Variants in FRAS1 observed in about 807,000 individuals in gnomAD.
FRAS1 encodes Fraser extracellular matrix complex subunit 1.
FRAS1 carries 290 observed loss-of-function variants against 435.2 expected under a neutral mutation model. The observed-to-expected ratio is 0.67, with a 90% CI of 0.61 to 0.73. The LOEUF (loss-of-function observed/expected upper bound fraction) is 0.73, where lower values mean the gene tolerates loss of function less well. Among genes scored for constraint, FRAS1 ranks in the 30% least tolerant of loss-of-function variants. FRAS1 has a pLI of 0.00. For missense variants in FRAS1, 4,860 were observed against 5,001.5 expected, an observed-to-expected ratio of 0.97 and a Z score of 0.85; for synonymous variants, 1,800 against 1,851.0, an observed-to-expected ratio of 0.97 and a Z score of 0.71.
At chr4:78,088,348 C>A (rs187427201) in intron 2 of FRAS1, among the ~76,000 whole-genome samples, 2 of 152,206 alleles carry the variant, frequency 1.3e-5, no homozygotes, top group Admixed American at 1.3e-4. Flanking sequence ...TAGGCAATAC[C>A]ATTCAGGACA....
intron 47 of FRAS1, among the ~76,000 whole-genome samples, chr4:78,453,655 C>G (rs1286007067): frequency 1.3e-5 from 2 of 151,932 alleles, no homozygotes; most frequent in Non-Finnish European, 2.9e-5. Context: ...TTTTTAAAGG[C>G]CAGATGTGGT....
chr4:78,286,635 A>C, intron 14 of FRAS1, 96 bp downstream of exon 14: 1 of 1,279,134 alleles, frequency 7.8e-7, no homozygotes. Context: ...AGCTGGAAGC[A>C]CTTTTTCAAA....
chr4:78,470,270 C>T (rs6533688), intron 51 of FRAS1, among the ~76,000 whole-genome samples, 179 bp downstream of exon 51: 94,743 of 151,940 alleles, frequency 0.62, 30,134 homozygotes, highest in South Asian at 0.83. Flanking sequence ...TGTGTAGGAT[C>T]GGTTACGATT....
Position 78,286,381 on chromosome 4 carries a change from TTCTTCAACATTATCTGGAGTCAG to T in FRAS1, c.1400-23_1400-1del. On this transcript the variant is annotated splice_acceptor_variant and splice_polypyrimidine_tract_variant and intron_variant, in intron 13 of 73. Transcript: ENST00000512123. LOFTEE classifies it high-confidence loss of function. The stretch of plus-strand genomic sequence containing the variant: ...AGCTAATCAAATGGTTCCTTTCTCT[TTCTTCAACATTATCTGGAGTCAG>T]CCTGCCAGCCCCAGTGCTCCACGTG... The T allele has an allele frequency of 6.2e-7, 1 of 1,612,732 alleles. No individual in the cohort carries two copies. Among genetic ancestry groups the T allele is most frequent in the Non-Finnish European group, 8.5e-7 (1 of 1,179,860 alleles).
intron 3 of FRAS1, among the ~76,000 whole-genome samples, chr4:78,239,386 G>T (rs747823581): frequency 6.6e-6 from 1 of 152,064 alleles, no homozygotes; most frequent in East Asian, 1.9e-4. Context: ...TTTGCTGTCA[G>T]TCTGGTTCCA....
chr4:78,423,795 C>A (rs946720419), intron 34 of FRAS1, among the ~76,000 whole-genome samples: 3 of 152,090 alleles, frequency 2.0e-5, no homozygotes, highest in Non-Finnish European at 2.9e-5. Flanking sequence ...GGGTCTGTAA[C>A]CCCTATGTTA....
chr4:78,396,814 T>G (rs1732692528), intron 29 of FRAS1, among the ~76,000 whole-genome samples: 1 of 152,214 alleles, frequency 6.6e-6, no homozygotes, highest in South Asian at 2.1e-4. Context: ...AAGTGTTCTA[T>G]TGAATTTTTC....
intron 50 of FRAS1, 75 bp downstream of exon 50, chr4:78,466,510 C>T: frequency 5.5e-6 from 6 of 1,092,264 alleles, no homozygotes; most frequent in Non-Finnish European, 8.0e-6. Context: ...TTACATCAAG[C>T]ATACCATTGT....
At chr4:78,424,776 T>TAA (rs111683592) in intron 35 of FRAS1, among the ~76,000 whole-genome samples, 1 of 140,236 alleles carries the variant, frequency 7.1e-6, no homozygotes, top group Non-Finnish European at 1.6e-5. Context: ...ACCTTGTCTA[T>TAA]AAAAAAAAAA....
In FRAS1 at chr4:78,501,582, A is replaced by G. The variant is rs553727947; in HGVS notation, c.9316+1661A>G. On this transcript the variant is annotated intron_variant, in intron 61 of 73. Transcript: ENST00000512123. ...GGTTGAACTTTTTACACTCCCACCA[A>G]CAGCATAAAAGCGGTCCTATTTCTC... 1.1e-4 allele frequency among the ~76,000 whole-genome samples: 17 copies of G among 152,304 alleles called. No homozygotes were observed. The East Asian group carries it at 3.3e-3, about 29-fold the overall frequency.
chr4:78,196,114 T>A (rs1722801017), intron 2 of FRAS1, among the ~76,000 whole-genome samples: 1 of 152,076 alleles, frequency 6.6e-6, no homozygotes, highest in Non-Finnish European at 1.5e-5. Context: ...TTCATGCCAT[T>A]CTCCTGCCTC....
chr4:78,271,481 C>T (rs1726681199), intron 9 of FRAS1, among the ~76,000 whole-genome samples: 1 of 151,970 alleles, frequency 6.6e-6, no homozygotes, highest in South Asian at 2.1e-4. Flanking sequence ...CAACCCACAA[C>T]AGGGCCTGGT....
At chr4:78,185,487 G>A (rs1023958269) in intron 2 of FRAS1, among the ~76,000 whole-genome samples, 3 of 152,140 alleles carry the variant, frequency 2.0e-5, no homozygotes, top group Non-Finnish European at 4.4e-5. Flanking sequence ...TCACTTTAGA[G>A]GCTGTTTGTA....
At chr4:78,455,309 A>T (rs1719155771) in intron 47 of FRAS1, among the ~76,000 whole-genome samples, 1 of 152,118 alleles carries the variant, frequency 6.6e-6, no homozygotes, top group African/African-American at 2.4e-5. Flanking sequence ...CATGTTGATT[A>T]CTTACTGGCC....
intron 34 of FRAS1, among the ~76,000 whole-genome samples, chr4:78,422,849 G>T (rs578189984): frequency 6.6e-6 from 1 of 152,172 alleles, no homozygotes; most frequent in African/African-American, 2.4e-5. Flanking sequence ...GGCCAGTGAG[G>T]GTCCTGCAGT....
At position 78,267,302 on chromosome 4, in the gene FRAS1, G is replaced by T; in HGVS notation, c.851G>T (p.Ser284Ile). ...CCEECVSPAG[S>I]CSYDGVVRYQ... ...GAGGAATGTGTGTCTCCTGCCGGGAGCTGCTCCTATGATGGAGTTGTGCGG... is the reference window on the plus strand; with the variant it reads ...GAGGAATGTGTGTCTCCTGCCGGGATCTGCTCCTATGATGGAGTTGTGCGG... The change falls in exon 9 of 74, where the codon AGC becomes ATC. Residue 284 changes from serine (S) to isoleucine (I), a missense_variant. Coordinates refer to ENST00000512123, the MANE Select transcript of FRAS1 (RefSeq NM_025074.7). The T allele has an allele frequency of 6.2e-7, 1 of 1,613,868 alleles. No individual in the cohort carries two copies.
intron 2 of FRAS1, among the ~76,000 whole-genome samples, chr4:78,183,732 TTGTGTGTGTGTG>T (rs3974339): frequency 0.023 from 3,195 of 137,028 alleles, 105 homozygotes; most frequent in African/African-American, 0.08. Context: ...TTCATTCTCT[TTGTGTGTGTGTG>T]TGTGTGTGTG....
intron 47 of FRAS1, among the ~76,000 whole-genome samples, chr4:78,456,138 C>CTTTTTT (rs753676442): frequency 0.024 from 1,246 of 51,260 alleles, 81 homozygotes; most frequent in African/African-American, 0.097. Context: ...ACACATGTCA[C>CTTTTTT]TTTTTTTTTT....
Position 78,482,419 on chromosome 4 carries a change from A to G in FRAS1, c.8636A>G (p.Gln2879Arg). 2 of 1,613,922 alleles carry G rather than the reference A, an allele frequency of 1.2e-6. No homozygotes were observed. The highest frequency in any genetic ancestry group is 1.3e-5 in the African/African-American group (1 of 75,038). Residue 2879 changes from glutamine to arginine, a missense_variant, in exon 58 of 74, where the codon CAG (glutamine) becomes CGG (arginine). By Grantham distance (43) the Gln-to-Arg change is conservative (BLOSUM62 1). Coordinates refer to ENST00000512123, the MANE Select transcript of FRAS1 (RefSeq NM_025074.7). Reference sequence around the variant, plus strand: ...ACCTTGACTATCTTGGATGACACTCAGTATCCGGTAATTGAAGGACTGGAG... The same window carrying G: ...ACCTTGACTATCTTGGATGACACTCGGTATCCGGTAATTGAAGGACTGGAG... The part of the protein sequence containing the change: ...YCTLTILDDT[Q>R]YPVIEGLETF...
Sources: allele counts gnomAD v4.1 joint callset (sites outside exome capture counted in the v4.1 genomes callset), GRCh38; gene constraint gnomAD v4.1.1; transcripts MANE v1.5; gene names NCBI Gene and HGNC (gene_info 2026-07-23, HGNC 2026-07-21).